The following EFL1 variants were observed in gnomAD, a reference collection of about 807,000 sequenced individuals.
EFL1 encodes the protein elongation factor like GTPase 1.
EFL1 carries 76 observed loss-of-function variants against 126.7 expected under a neutral mutation model. The observed-to-expected ratio is 0.60, with a 90% confidence interval of 0.50 to 0.73. EFL1 has a LOEUF of 0.73. Ranked by LOEUF, EFL1 falls within the 30% of genes least tolerant of loss-of-function variation. EFL1 has a pLI of 0.00. For missense variants in EFL1, 1,128 were observed against 1,343.2 expected, an observed-to-expected ratio of 0.84 and a Z score of 2.50; for synonymous variants, 410 against 448.4, an observed-to-expected ratio of 0.91 and a Z score of 1.08.
chr15:82,184,003 C>G lies in EFL1; in HGVS notation c.1751-20019G>C, dbSNP rs188498193. ...TTTTGGTTTACTTTCTACGGGGCTT[C>G]AGAACTCTGGGACCTCAGAGGTGGG... On this transcript the variant is annotated intron_variant, in intron 15 of 19. Transcript: ENST00000268206. Among the ~76,000 whole-genome samples the G allele has an allele frequency of 4.0e-4, 61 of 152,272 alleles. No homozygotes were observed. The East Asian group carries it at 8.9e-3, about 22-fold the overall frequency.
chr15:82,200,563 T>C (rs191902161), intron 15 of EFL1, among the ~76,000 whole-genome samples: 7 of 141,328 alleles, frequency 5.0e-5, no homozygotes, highest in Admixed American at 2.7e-4. Context: ...TCTGCTTCTC[T>C]TAACATCAAA....
chr15:82,241,680 A>G (rs1433748392), intron 4 of EFL1, among the ~76,000 whole-genome samples: 1 of 152,240 alleles, frequency 6.6e-6, no homozygotes, highest in Non-Finnish European at 1.5e-5. Context: ...CTCACTTTTA[A>G]TGTGCTAATC....
intron 15 of EFL1, among the ~76,000 whole-genome samples, chr15:82,204,599 T>A (rs1205655237): frequency 6.6e-6 from 1 of 152,220 alleles, no homozygotes; most frequent in Non-Finnish European, 1.5e-5. Flanking sequence ...CTAACCTGCA[T>A]GAAACCATAT....
At chr15:82,216,939 T>C (rs2074653660) in intron 14 of EFL1, among the ~76,000 whole-genome samples, 1 of 152,076 alleles carries the variant, frequency 6.6e-6, no homozygotes, top group African/African-American at 2.4e-5. Context: ...AAGGAATTAG[T>C]ATCCAGAATA....
At chr15:82,134,582 T>C (rs979075998) in intron 19 of EFL1, among the ~76,000 whole-genome samples, 6 of 152,232 alleles carry the variant, frequency 3.9e-5, no homozygotes, top group Non-Finnish European at 7.3e-5. Flanking sequence ...GTTTTCACGA[T>C]GATTACTGCT....
At position 82,163,932 on chromosome 15, in the gene EFL1, C is replaced by T; in HGVS notation, c.1803G>A (p.Leu601=). 1.2e-6 allele frequency: 2 copies of T among 1,614,024 alleles called. No homozygotes were observed. The highest frequency in any genetic ancestry group is 1.7e-6 in the Non-Finnish European group (2 of 1,179,958). Reference sequence around the variant, plus strand: ...GTGGTATAAATGGTGGGCAGGATGGCAGGCTACACAGTGTTGCAGATTTCA... The same window carrying T: ...GTGGTATAAATGGTGGGCAGGATGGTAGGCTACACAGTGTTGCAGATTTCA... ...FVLKSATLCS[L]PSCPPFIPLN... Residue 601 remains leucine, a synonymous_variant, in exon 16 of 20, where the codon CTG becomes CTA. Transcript: ENST00000268206.
At chr15:82,158,174 GTA>G (rs370039549) in intron 16 of EFL1, among the ~76,000 whole-genome samples, 1 of 152,042 alleles carries the variant, frequency 6.6e-6, no homozygotes, top group African/African-American at 2.4e-5. Flanking sequence ...TATAACGAAT[GTA>G]TACATTATAT....
chr15:82,172,356 T>C (rs1005109076), intron 15 of EFL1, among the ~76,000 whole-genome samples: 10 of 152,184 alleles, frequency 6.6e-5, no homozygotes, highest in Admixed American at 2.6e-4. Flanking sequence ...ACAGGCACAA[T>C]TGTGTACCAA....
chr15:82,228,615 C>T (rs2074789071), intron 9 of EFL1, among the ~76,000 whole-genome samples: 1 of 152,310 alleles, frequency 6.6e-6, no homozygotes, highest in Admixed American at 6.5e-5. Context: ...GCTAACAAGT[C>T]ATTATTCCAT....
At chr15:82,215,700 C>T (rs1317914725) in intron 14 of EFL1, 1 of 152,034 alleles carries the variant, frequency 6.6e-6, no homozygotes, top group Non-Finnish European at 1.5e-5. Context: ...TGAGATACAA[C>T]ATAAACAAAG....
chr15:82,180,359 CAAAAAAAAA>C (rs71156028), intron 15 of EFL1, among the ~76,000 whole-genome samples: 2 of 120,610 alleles, frequency 1.7e-5, no homozygotes, highest in African/African-American at 6.8e-5. Flanking sequence ...ATTAAACTGG[CAAAAAAAAA>C]AAAACAAAAA....
At chr15:82,194,149 G>A (rs1267423183) in intron 15 of EFL1, among the ~76,000 whole-genome samples, 1 of 152,200 alleles carries the variant, frequency 6.6e-6, no homozygotes, top group African/African-American at 2.4e-5. Context: ...GGTTTGGTCA[G>A]TAGTGCCATT....
At chr15:82,185,559 G>C (rs139845131) in intron 15 of EFL1, among the ~76,000 whole-genome samples, 82 of 151,930 alleles carry the variant, frequency 5.4e-4, no homozygotes, top group African/African-American at 1.9e-3. Context: ...GTCAAAAATG[G>C]AAGAGAATTA....
At chr15:82,207,319 T>C (rs866254334) in intron 15 of EFL1, among the ~76,000 whole-genome samples, 21 of 127,880 alleles carry the variant, frequency 1.6e-4, no homozygotes, top group Middle Eastern at 4.1e-3. Flanking sequence ...CACACACACA[T>C]ATAACATATA....
chr15:82,190,156 T>C (rs1442938230), intron 15 of EFL1, among the ~76,000 whole-genome samples: 11 of 151,894 alleles, frequency 7.2e-5, no homozygotes, highest in Admixed American at 7.2e-4. Flanking sequence ...TTGAGTTCTA[T>C]CAGAATTTCT....
intron 18 of EFL1, among the ~76,000 whole-genome samples, chr15:82,142,916 A>C (rs956378347): frequency 5.9e-5 from 9 of 152,184 alleles, no homozygotes; most frequent in Non-Finnish European, 1.3e-4. Context: ...CTTCTCTAAT[A>C]CCCAAGCTCA....
Position 82,189,973 on chromosome 15 carries a change from G to A in EFL1, c.1750+24744C>T, listed in dbSNP as rs541038888. ...TCTACTAAAAATACAAACATTAGGC[G>A]GAGGGGGATGGTGCGTGCCTGTAGT... On this transcript the variant is annotated intron_variant, in intron 15 of 19. Transcript: ENST00000268206. Among the ~76,000 whole-genome samples the A allele has an allele frequency of 5.3e-5, 8 of 151,954 alleles. No individual in the cohort carries two copies. In the South Asian group the frequency reaches 6.2e-4, roughly 12 times the overall value.
In EFL1 at chr15:82,172,708, C is replaced by T. The variant is rs192784425; in HGVS notation, c.1751-8724G>A. On this transcript the variant is annotated intron_variant, in intron 15 of 19. Coordinates refer to ENST00000268206, the MANE Select transcript of EFL1 (RefSeq NM_024580.6). ...GAAAACAAGCTGTTCAACATTTTAT[C>T]GACAGTCACTCATGGCGTATGAGTC... Among the ~76,000 whole-genome samples, 6 of 152,224 alleles carry T rather than the reference C, an allele frequency of 3.9e-5. No individual in the cohort carries two copies. The East Asian group carries it at 1.2e-3, about 29-fold the overall frequency.
intron 18 of EFL1, among the ~76,000 whole-genome samples, chr15:82,143,122 GT>G (rs1156344791): frequency 6.6e-6 from 1 of 152,030 alleles, no homozygotes. Context: ...CCACAGCAAT[GT>G]TTTCTTTAAC....
Sources: allele counts gnomAD v4.1 joint callset (sites outside exome capture counted in the v4.1 genomes callset), GRCh38; gene constraint gnomAD v4.1.1; transcripts MANE v1.5; gene names NCBI Gene and HGNC (gene_info 2026-07-23, HGNC 2026-07-21).